NT5E: variants seen among roughly 807,000 people sequenced by gnomAD.
The protein encoded by NT5E is 5'-nucleotidase.
A neutral mutation model predicts 55.1 loss-of-function variants in NT5E; 53 were observed. The ratio of observed to expected loss-of-function variants is 0.96; its 90% CI spans 0.77 to 1.21. The LOEUF (loss-of-function observed/expected upper bound fraction) is 1.21, where lower values mean the gene tolerates loss of function less well. Ranked by LOEUF, NT5E falls within the 50% of genes most tolerant of loss-of-function variation. The probability of loss-of-function intolerance (pLI) is 0.00; values close to 1 mark genes in which losing one functional copy is unlikely to be tolerated. For synonymous variants in NT5E, 270 were observed against 278.4 expected (o/e 0.97, Z 0.30); for missense variants, 683 against 724.3 (o/e 0.94, Z 0.65).
At chr6:85,466,818 C>T (rs1769204308) in intron 1 of NT5E, among the ~76,000 whole-genome samples, 1 of 152,068 alleles carries the variant, frequency 6.6e-6, no homozygotes, top group African/African-American at 2.4e-5. Context: ...ACAGTGGACC[C>T]CTGGCCAGCT....
chr6:85,469,709 T>G (rs1198218194), intron 2 of NT5E, among the ~76,000 whole-genome samples: 1 of 152,222 alleles, frequency 6.6e-6, no homozygotes, highest in Non-Finnish European at 1.5e-5. Flanking sequence ...GTGGCAAAAC[T>G]ACAACTCTTG....
chr6:85,492,364 A>C (rs1045951331), intron 8 of NT5E, among the ~76,000 whole-genome samples, 187 bp downstream of exon 8: 4 of 152,222 alleles, frequency 2.6e-5, no homozygotes, highest in African/African-American at 9.6e-5. Flanking sequence ...CCGAGCACAC[A>C]CATGCCTTCA....
chr6:85,490,529 T>C lies in NT5E; in HGVS notation c.1232T>C (p.Leu411Pro). 3 of 1,614,230 alleles carry C rather than the reference T, an allele frequency of 1.9e-6. No homozygotes were observed. The highest frequency in any genetic ancestry group is 2.5e-6 in the Non-Finnish European group (3 of 1,180,022). The change falls in exon 7 of 9, where the codon CTG (leucine) becomes CCG (proline). Residue 411 changes from leucine to proline, a missense_variant. By Grantham distance (98) the Leu-to-Pro change is moderately conservative. Transcript: ENST00000257770. ...RNNGTITWEN[L>P]AAVLPFGGTF... is the part of the protein sequence containing the mutation. ...TCAGGCACAATTACCTGGGAGAACC[T>C]GGCTGCTGTATTGCCCTTTGGAGGC...
chr6:85,492,135 G>A lies in NT5E; in HGVS notation c.1519G>A (p.Gly507Arg). The A allele has an allele frequency of 6.2e-7, 1 of 1,614,166 alleles. No individual in the cohort carries two copies. Among genetic ancestry groups the A allele is most frequent in the South Asian group, 1.1e-5 (1 of 91,082 alleles). Residue 507 changes from glycine (G) to arginine (R), a missense_variant, in exon 8 of 9, where the codon GGG becomes AGG. Physicochemically the swap from Gly to Arg is moderately radical, Grantham distance 125 (BLOSUM62 -2). Coordinates refer to ENST00000257770, the MANE Select transcript of NT5E (RefSeq NM_002526.4). ...LPNFLANGGD[G>R]FQMIKDELLR... Reference sequence around the variant, plus strand: ...AAACTTCCTGGCCAATGGTGGAGATGGGTTCCAGATGATAAAAGATGAATT... The same window carrying A: ...AAACTTCCTGGCCAATGGTGGAGATAGGTTCCAGATGATAAAAGATGAATT...
intron 1 of NT5E, among the ~76,000 whole-genome samples, chr6:85,462,386 A>AT (rs149130345): frequency 5.9e-5 from 9 of 151,348 alleles, no homozygotes; most frequent in Middle Eastern, 3.5e-3. Flanking sequence ...TAGCAGCATC[A>AT]TTTTTTTTTC....
intron 2 of NT5E, among the ~76,000 whole-genome samples, chr6:85,467,856 G>A (rs560302399): frequency 6.6e-6 from 1 of 151,262 alleles, no homozygotes; most frequent in Non-Finnish European, 1.5e-5. Context: ...ATACACATAT[G>A]TATATATAAT....
At chr6:85,483,251 T>G (rs1051989265) in intron 3 of NT5E, among the ~76,000 whole-genome samples, 1 of 152,268 alleles carries the variant, frequency 6.6e-6, no homozygotes, top group Admixed American at 6.5e-5. Context: ...TTTCTCTCCC[T>G]GGGCGGGGCG....
Position 85,450,216 on chromosome 6 carries a change from C to T in NT5E, c.77C>T (p.Ala26Val), listed in dbSNP as rs570446205. The T allele has an allele frequency of 1.2e-6, 2 of 1,608,886 alleles. No homozygotes were observed. Among genetic ancestry groups the T allele is most frequent in the South Asian group, 1.1e-5 (1 of 90,326 alleles). The change falls in exon 1 of 9, where the codon GCC becomes GTC. Residue 26 changes from alanine to valine, a missense_variant. Coordinates refer to ENST00000257770, the MANE Select transcript of NT5E (RefSeq NM_002526.4). This position sits in a 1 kb window ranked among gnomAD's most constrained non-coding sequence, Gnocchi z 4.0. Reference sequence around the variant, plus strand: ...GCGGTGCTGTGGCCTGCGGCTGGCGCCTGGGAGCTTACGATTTTGCACACC... The same window carrying T: ...GCGGTGCTGTGGCCTGCGGCTGGCGTCTGGGAGCTTACGATTTTGCACACC... Reference protein sequence around the residue: ...LGAVLWPAAGAWELTILHTND... With the variant: ...LGAVLWPAAGVWELTILHTND...
chr6:85,489,346 A>C, intron 5 of NT5E, 148 bp from the exon 6 acceptor site: 1 of 680,198 alleles, frequency 1.5e-6, no homozygotes. Flanking sequence ...GCATAAAATT[A>C]GTTCTAATTA....
At chr6:85,491,089 A>C (rs757897146) in intron 7 of NT5E, 2 of 530,464 alleles carry the variant, frequency 3.8e-6, no homozygotes, top group Non-Finnish European at 7.7e-6. Context: ...TGGAAGGAGC[A>C]GCCTACTGCA....
At chr6:85,472,463 TA>T (rs1218699471) in intron 3 of NT5E, among the ~76,000 whole-genome samples, 1 of 152,166 alleles carries the variant, frequency 6.6e-6, no homozygotes, top group African/African-American at 2.4e-5. Flanking sequence ...AAGCAAAATA[TA>T]AATTATAAAA....
intron 2 of NT5E, among the ~76,000 whole-genome samples, chr6:85,469,268 C>A (rs75396341): frequency 6.6e-6 from 1 of 152,118 alleles, no homozygotes; most frequent in African/African-American, 2.4e-5. Context: ...TTCCTTTGTC[C>A]TCAGAGGCAT....
rs191064938 is a variant in NT5E, at chr6:85,466,841, C to T, written c.340-219C>T. Among the ~76,000 whole-genome samples, 139 of 152,248 alleles carry T rather than the reference C, an allele frequency of 9.1e-4. 1 individual carries two copies. The highest frequency in any genetic ancestry group is 1.4e-3 in the Non-Finnish European group (95 of 68,010). On this transcript the variant is annotated intron_variant, in intron 1 of 8. Transcript: ENST00000257770. ...CCCCTGGCCAGCTCTCCAGGTGTTG[C>T]GTATGCACATTGGCAAACCACCTTT...
chr6:85,485,528 A>G (rs1164681078), intron 4 of NT5E, 96 bp downstream of exon 4: 6 of 1,189,350 alleles, frequency 5.0e-6, no homozygotes, highest in Non-Finnish European at 7.5e-6. Context: ...TTTCAGGAAA[A>G]GACTATAATA....
chr6:85,481,729 C>T (rs922345434), intron 3 of NT5E, among the ~76,000 whole-genome samples: 6 of 152,094 alleles, frequency 3.9e-5, no homozygotes, highest in Non-Finnish European at 7.3e-5. Context: ...ATGAAGCTGG[C>T]GTGATAAGAA....
chr6:85,457,967 C>T (rs1364677639), intron 1 of NT5E, among the ~76,000 whole-genome samples: 1 of 152,122 alleles, frequency 6.6e-6, no homozygotes, highest in Non-Finnish European at 1.5e-5. Flanking sequence ...GATTCTTGAG[C>T]TAAAGATCTG....
intron 7 of NT5E, chr6:85,491,342 T>A: frequency 3.0e-6 from 1 of 338,414 alleles, no homozygotes; most frequent in African/African-American, 2.2e-5. Context: ...TCTGGCCTCA[T>A]TTTTTTAACC....
rs373986800 is a variant in NT5E, at chr6:85,487,535, G to A, written c.1104+46G>A. ...GACATATGCTAGGGAGGAAGGAAAGGAAGAGGGAAGAGGAAGGAAGGATGC... is the reference window on the plus strand; with the variant it reads ...GACATATGCTAGGGAGGAAGGAAAGAAAGAGGGAAGAGGAAGGAAGGATGC... On this transcript the variant is annotated intron_variant, in intron 5 of 8. Transcript: ENST00000257770. The A allele has an allele frequency of 1.3e-3, 2,050 of 1,605,058 alleles. 43 individuals are homozygous for A. In the South Asian group the frequency reaches 0.021, roughly 17 times the overall value.
At chr6:85,491,556 T>G (rs1769784975) in intron 7 of NT5E, among the ~76,000 whole-genome samples, 1 of 152,222 alleles carries the variant, frequency 6.6e-6, no homozygotes, top group South Asian at 2.1e-4. Flanking sequence ...ACTGCATAGC[T>G]CTATGCCTTG....
Sources: gnomAD v4.1 joint callset for allele counts (sites outside exome capture counted in the v4.1 genomes callset) on GRCh38, gnomAD v4.1.1 for gene constraint, Gnocchi (gnomAD v3.1) non-coding constraint, MANE v1.5 for transcripts, NCBI Gene and HGNC (gene_info 2026-07-23, HGNC 2026-07-21) for gene names.